Variants in TMEM67 observed in about 807,000 individuals in gnomAD.
The protein encoded by TMEM67 is meckelin.
In TMEM67, 124 loss-of-function variants were observed where a neutral mutation model predicts 136.6. That is an observed-to-expected ratio of 0.91 (90% CI 0.78 to 1.05). The LOEUF (loss-of-function observed/expected upper bound fraction) is 1.05. Ranked by LOEUF, TMEM67 falls within the 50% of genes least tolerant of loss-of-function variation. TMEM67 has a pLI of 0.00. For synonymous variants in TMEM67, 364 were observed against 390.5 expected (o/e 0.93, Z 0.80); for missense variants, 1,107 against 1,178.4 (o/e 0.94, Z 0.89).
At chr8:93,797,933 G>A (rs1199236989) in intron 20 of TMEM67, among the ~76,000 whole-genome samples, 2 of 152,208 alleles carry the variant, frequency 1.3e-5, no homozygotes, top group African/African-American at 4.8e-5. Flanking sequence ...AGTGAGCCGA[G>A]ATTGCACCAT....
chr8:93,829,594 C>A, the TMEM67 span, among the ~76,000 whole-genome samples: 3 of 152,226 alleles, frequency 2.0e-5, no homozygotes, highest in African/African-American at 7.2e-5. Context: ...TCCTCAGATC[C>A]TCTGTGGTTC....
Position 93,755,775 on chromosome 8 carries a change from T to TTTTGA in TMEM67, c.224-3_224-2insTTTGA. 12 of 1,281,704 alleles carry TTTTGA rather than the reference T, an allele frequency of 9.4e-6. No individual in the cohort carries two copies. Among genetic ancestry groups the TTTTGA allele is most frequent in the Admixed American group, 2.2e-5 (1 of 46,286 alleles). The allele number at this position is 1,281,704 out of a possible 1,614,324, so 79.4% of individuals were successfully genotyped here. A position where few individuals can be genotyped will look rare whatever the true frequency, so the allele number is the denominator to read the frequency against. On this transcript the variant is annotated splice_polypyrimidine_tract_variant and splice_region_variant and intron_variant, in intron 1 of 27. Coordinates refer to ENST00000453321, the MANE Select transcript of TMEM67 (RefSeq NM_153704.6). ...GCTTTTTTTTTTTTTTTTTTTTTTT[T>TTTTGA]AGGAACTTCATGTGTATGTCTACCA...
chr8:93,819,054 C>T (rs535843965), downstream of TMEM67: 4 of 449,952 alleles, frequency 8.9e-6, no homozygotes, highest in East Asian at 2.1e-4. Context: ...TCACCCACCT[C>T]GGCCTCCAAA....
At chr8:93,755,895 ACC>A in intron 2 of TMEM67, 29 bp downstream of exon 2, 2 of 1,282,564 alleles carry the variant, frequency 1.6e-6, no homozygotes, top group Non-Finnish European at 2.2e-6. Flanking sequence ...AAAATAACTT[ACC>A]TGTAAAAAGT....
the TMEM67 span, among the ~76,000 whole-genome samples, chr8:93,829,380 C>CTGTGTG: frequency 3.0e-4 from 45 of 150,368 alleles, no homozygotes; most frequent in Non-Finnish European, 5.5e-4. Context: ...CTCTCTCTCT[C>CTGTGTG]TCTGTGTGTG....
chr8:93,758,277 T>C (rs1812671784), intron 2 of TMEM67, among the ~76,000 whole-genome samples: 1 of 152,206 alleles, frequency 6.6e-6, no homozygotes, highest in African/African-American at 2.4e-5. Flanking sequence ...CCTTTAATAG[T>C]TTTCAGGACA....
Position 93,799,746 on chromosome 8 carries a change from T to TGGAATTATACAGGTAA in TMEM67, c.2241+5_2241+20dup. ...TGTCTGCTGCTCTTTGGCTAGCCAT[T>TGGAATTATACAGGTAA]GGAATTATACAGGTAAGGAATTATA... On this transcript the variant is annotated frameshift_variant, in exon 21 of 28. Coordinates refer to ENST00000453321, the MANE Select transcript of TMEM67 (RefSeq NM_153704.6). LOFTEE classifies it high-confidence loss of function. 50 of 1,613,690 alleles carry TGGAATTATACAGGTAA rather than the reference T, an allele frequency of 3.1e-5. 1 individual carries two copies. The South Asian group carries it at 4.3e-4, about 14-fold the overall frequency.
At chr8:93,831,893 A>G in the TMEM67 span, among the ~76,000 whole-genome samples, 2 of 152,196 alleles carry the variant, frequency 1.3e-5, no homozygotes, top group Admixed American at 6.5e-5. Flanking sequence ...CACCATTAAC[A>G]TTAGACAACT....
chr8:93,766,363 C>T (rs757834402), intron 6 of TMEM67, among the ~76,000 whole-genome samples: 1 of 152,074 alleles, frequency 6.6e-6, no homozygotes, highest in Non-Finnish European at 1.5e-5. Flanking sequence ...TGTGACCCAC[C>T]CACGTTGGCC....
intron 4 of TMEM67, 28 bp downstream of exon 4, chr8:93,763,969 A>G (rs764617995): frequency 1.8e-5 from 24 of 1,321,312 alleles, no homozygotes; most frequent in Non-Finnish European, 2.6e-5. Flanking sequence ...GGCTAACTTC[A>G]TTAATATCAT....
rs777125021 is a variant in TMEM67 at position 93,795,489 on chromosome 8, C to G, written c.1755C>G (p.Tyr585Ter). ...FFIITVGTGL[Y>*]WLIFFKAQKS... ...TCATCACAGTGGGAACAGGTCTTTA[C>G]TGGCTTATTTTCTTCAAAGTGAGTG... The change falls in exon 17 of 28, where the codon TAC (tyrosine) becomes TAG (stop). Residue 585 changes from tyrosine (Y) to a stop codon, truncating the protein, a stop_gained. Transcript: ENST00000453321. LOFTEE classifies it high-confidence loss of function. The G allele has an allele frequency of 6.2e-7, 1 of 1,613,786 alleles. No individual in the cohort carries two copies. The highest frequency in any genetic ancestry group is 1.1e-5 in the South Asian group (1 of 91,068).
chr8:93,761,048 C>G (rs972461522), intron 3 of TMEM67, among the ~76,000 whole-genome samples: 4 of 152,146 alleles, frequency 2.6e-5, no homozygotes, highest in Non-Finnish European at 5.9e-5. Flanking sequence ...CAGTGGCTCA[C>G]GCTTGTAATC....
At chr8:93,765,732 C>G (rs1813055945) in intron 6 of TMEM67, 86 bp downstream of exon 6, 5 of 868,226 alleles carry the variant, frequency 5.8e-6, no homozygotes, top group Admixed American at 3.6e-5. Flanking sequence ...AATGAGAAAC[C>G]CTTTTGTGTA....
chr8:93,803,997 C>T (rs1278029132), intron 22 of TMEM67, among the ~76,000 whole-genome samples: 1 of 151,650 alleles, frequency 6.6e-6, no homozygotes, highest in East Asian at 1.9e-4. Context: ...ACCTCAACCT[C>T]CTGAGTAGCT....
At chr8:93,757,678 G>T (rs1365524797) in intron 2 of TMEM67, among the ~76,000 whole-genome samples, 1 of 150,072 alleles carries the variant, frequency 6.7e-6, no homozygotes, top group Non-Finnish European at 1.5e-5. Context: ...TAAATGGATA[G>T]AAGAAAATAT....
In TMEM67 at chr8:93,804,877, C is replaced by A. The variant is rs199874479; in HGVS notation, c.2438C>A (p.Ala813Glu). 2 of 1,513,992 alleles carry A rather than the reference C, an allele frequency of 1.3e-6. No individual in the cohort carries two copies. Among genetic ancestry groups the A allele is most frequent in the Non-Finnish European group, 1.8e-6 (2 of 1,089,232 alleles). 93.8% of individuals were successfully genotyped at this position (1,513,992 alleles called of 1,614,324 possible). A position where few individuals can be genotyped will look rare whatever the true frequency, so the allele number is the denominator to read the frequency against. ...ATGAATATGAACCTTAAAAGAGAAG[C>A]GGTATGAAAATGTTTTACATCTTTT... ...EEMNMNLKRE[A>E]ENLCSQRGLV... is the part of the protein sequence containing the mutation. Residue 813 changes from alanine (A) to glutamate (E), a missense_variant and splice_region_variant, in exon 23 of 28, where the codon GCG becomes GAG. This residue lies in a region of TMEM67 where 925 missense variants were observed against 1,002.4 expected (regional missense o/e 0.92). Coordinates refer to ENST00000453321, the MANE Select transcript of TMEM67 (RefSeq NM_153704.6).
intron 9 of TMEM67, 145 bp from the exon 10 acceptor site, chr8:93,781,513 G>T: frequency 1.9e-6 from 1 of 530,840 alleles, no homozygotes; most frequent in Non-Finnish European, 3.3e-6. Flanking sequence ...TTTAGTCATA[G>T]AAATAGATTA....
chr8:93,762,321 ATTTTTTAATTATCTTTACCTT>A (rs1210310379), intron 3 of TMEM67, among the ~76,000 whole-genome samples: 1 of 151,402 alleles, frequency 6.6e-6, no homozygotes, highest in Non-Finnish European at 1.5e-5. Context: ...CCAAAGATTA[ATTTTTTAATTATCTTTACCTT>A]TTTTTTTTTT....
At position 93,755,144 on chromosome 8, in the gene TMEM67, C is replaced by T; in HGVS notation, c.223+7C>T. 1.2e-6 allele frequency: 2 copies of T among 1,613,648 alleles called. No individual in the cohort carries two copies. Among genetic ancestry groups the T allele is most frequent in the South Asian group, 1.1e-5 (1 of 91,056 alleles). ...CAGAGGCAAGATGCCCGAGGTAAGA[C>T]GGTTTGCGGTGGGCCCTGGCAAAAG... On this transcript the variant is annotated splice_region_variant and intron_variant, in intron 1 of 27. Coordinates refer to ENST00000453321, the MANE Select transcript of TMEM67 (RefSeq NM_153704.6).
Sources: allele counts gnomAD v4.1 joint callset (sites outside exome capture counted in the v4.1 genomes callset), GRCh38; gene constraint gnomAD v4.1.1; regional missense constraint gnomAD v4.1.1; transcripts MANE v1.5; gene names NCBI Gene and HGNC (gene_info 2026-07-23, HGNC 2026-07-21).